Variants in LRRC69 observed in about 807,000 individuals in gnomAD.
LRRC69 encodes the protein leucine-rich repeat-containing protein 69.
In LRRC69, 42 loss-of-function variants were observed where a neutral mutation model predicts 37.8. That is an observed-to-expected ratio of 1.11 (90% CI 0.87 to 1.44). The LOEUF (loss-of-function observed/expected upper bound fraction) is 1.44, where lower values mean the gene tolerates loss of function less well. Ranked by LOEUF, LRRC69 falls within the 40% of genes most tolerant of loss-of-function variation. The probability of loss-of-function intolerance (pLI) is 0.00; values close to 1 mark genes in which losing one functional copy is unlikely to be tolerated. For synonymous variants in LRRC69, 141 were observed against 143.1 expected (o/e 0.99, Z 0.11); for missense variants, 357 against 401.9 (o/e 0.89, Z 0.96).
At chr8:91,115,071 A>G (rs1274538169) in intron 1 of LRRC69, among the ~76,000 whole-genome samples, 1 of 151,674 alleles carries the variant, frequency 6.6e-6, no homozygotes, top group African/African-American at 2.4e-5. Flanking sequence ...ATGTAGGTCA[A>G]AGGGCACAAA....
At chr8:91,177,566 C>T (rs1004811992) in intron 5 of LRRC69, among the ~76,000 whole-genome samples, 2 of 152,002 alleles carry the variant, frequency 1.3e-5, no homozygotes, top group Non-Finnish European at 2.9e-5. Flanking sequence ...GTATTAGGCT[C>T]CTATATAGGT....
chr8:91,121,137 G>A (rs538307487), intron 1 of LRRC69, among the ~76,000 whole-genome samples: 5 of 151,814 alleles, frequency 3.3e-5, no homozygotes, highest in East Asian at 1.9e-4. Flanking sequence ...ACCCATCCAC[G>A]TCTCTCCAGG....
chr8:91,165,684 G>A (rs909938609), intron 5 of LRRC69, among the ~76,000 whole-genome samples: 3 of 151,504 alleles, frequency 2.0e-5, no homozygotes, highest in Non-Finnish European at 4.4e-5. Context: ...GCAGTTAATG[G>A]GTTTTCTGTT....
At chr8:91,156,298 G>C (rs887465728) in intron 5 of LRRC69, among the ~76,000 whole-genome samples, 1 of 151,140 alleles carries the variant, frequency 6.6e-6, no homozygotes, top group African/African-American at 2.4e-5. Flanking sequence ...CTGTGGTTTA[G>C]ATTTGCATTT....
exon 1 of LRRC69, chr8:91,102,830 T>C (rs753229124): frequency 4.1e-5 from 64 of 1,545,856 alleles, no homozygotes; most frequent in Non-Finnish European, 5.2e-5. Flanking sequence ...TCCAGAGTTA[T>C]GCAACTTGAC....
chr8:91,141,607 A>G (rs1409751698), intron 5 of LRRC69, among the ~76,000 whole-genome samples: 1 of 152,118 alleles, frequency 6.6e-6, no homozygotes, highest in Non-Finnish European at 1.5e-5. Context: ...GGGGAAGTAA[A>G]TGAAGAAATA....
chr8:91,107,904 A>G (rs1813346091), intron 1 of LRRC69, among the ~76,000 whole-genome samples: 1 of 152,042 alleles, frequency 6.6e-6, no homozygotes, highest in Non-Finnish European at 1.5e-5. Context: ...TCTCATCCCT[A>G]TTGCTTTTTA....
At chr8:91,187,355 A>G (rs1316812148) in intron 5 of LRRC69, among the ~76,000 whole-genome samples, 3 of 152,226 alleles carry the variant, frequency 2.0e-5, no homozygotes, top group Non-Finnish European at 4.4e-5. Context: ...CTCCTAGTCC[A>G]TCAGAGTTGG....
At chr8:91,121,563 G>T (rs1813622318) in intron 1 of LRRC69, among the ~76,000 whole-genome samples, 5 of 152,098 alleles carry the variant, frequency 3.3e-5, no homozygotes, top group Middle Eastern at 6.8e-3. Flanking sequence ...TCAGATCTCA[G>T]TCTATATATC....
chr8:91,171,655 G>T (rs752014173), intron 5 of LRRC69, among the ~76,000 whole-genome samples: 4 of 152,010 alleles, frequency 2.6e-5, no homozygotes, highest in Admixed American at 6.6e-5. Context: ...TTTTGAGCAA[G>T]TATAGGAGGA....
At chr8:91,160,325 A>C (rs9297889) in intron 5 of LRRC69, among the ~76,000 whole-genome samples, 101,569 of 149,536 alleles carry the variant, frequency 0.68, 35,007 homozygotes, top group Middle Eastern at 0.74. Context: ...TATATAAGAT[A>C]ATGTCATCTG....
At chr8:91,126,897 T>G (rs1460402046) in intron 2 of LRRC69, among the ~76,000 whole-genome samples, 191 bp from the exon 3 acceptor site, 1 of 152,036 alleles carries the variant, frequency 6.6e-6, no homozygotes, top group African/African-American at 2.4e-5. Context: ...GCACAGTGAC[T>G]TAGATTTGTA....
intron 5 of LRRC69, among the ~76,000 whole-genome samples, chr8:91,188,175 A>C (rs972187225): frequency 2.0e-5 from 3 of 152,218 alleles, no homozygotes; most frequent in Non-Finnish European, 4.4e-5. Flanking sequence ...ACTCAAGGTG[A>C]TACCAACATA....
At chr8:91,213,645 A>G (rs1462444521) in intron 7 of LRRC69, among the ~76,000 whole-genome samples, 1 of 152,248 alleles carries the variant, frequency 6.6e-6, no homozygotes, top group African/African-American at 2.4e-5. Context: ...TAAATGAGTG[A>G]TAGAGACCAA....
chr8:91,190,232 G>A (rs1180459924), intron 6 of LRRC69, among the ~76,000 whole-genome samples: 1 of 150,998 alleles, frequency 6.6e-6, no homozygotes, highest in Non-Finnish European at 1.5e-5. Context: ...TTTCCTGGCT[G>A]CAGGAAACAT....
At chr8:91,118,278 G>A in intron 1 of LRRC69, 1 of 447,396 alleles carries the variant, frequency 2.2e-6, no homozygotes, top group Admixed American at 2.5e-5. Flanking sequence ...GCTGAGGCAG[G>A]CGGATCACTT....
chr8:91,143,822 T>C (rs899413228), intron 5 of LRRC69, among the ~76,000 whole-genome samples: 2 of 151,918 alleles, frequency 1.3e-5, no homozygotes, highest in African/African-American at 4.8e-5. Context: ...TTCCCAGAAA[T>C]ACAAATCATT....
chr8:91,112,136 C>G (rs919400221), intron 1 of LRRC69, among the ~76,000 whole-genome samples: 1 of 151,982 alleles, frequency 6.6e-6, no homozygotes, highest in Non-Finnish European at 1.5e-5. Flanking sequence ...GAATTTTTAT[C>G]CAGCAAAATT....
At chr8:91,190,836 C>T (rs117485527) in intron 6 of LRRC69, among the ~76,000 whole-genome samples, 2,008 of 152,234 alleles carry the variant, frequency 0.013, 28 homozygotes, top group South Asian at 0.042. Context: ...AGGATGATTG[C>T]TTGAGCCCAG....
Sources: allele counts gnomAD v4.1 joint callset (sites outside exome capture counted in the v4.1 genomes callset), GRCh38; gene constraint gnomAD v4.1.1; transcripts MANE v1.5; gene names NCBI Gene and HGNC (gene_info 2026-07-23, HGNC 2026-07-21).